SUN3: variants seen among roughly 807,000 people sequenced by gnomAD.
SUN3 encodes the protein Sad1 and UNC84 domain containing 3.
Under a neutral mutation model 48.2 loss-of-function variants are expected in SUN3, and 36 were observed. That is an observed-to-expected ratio of 0.75 (90% CI 0.57 to 0.99). SUN3 has a LOEUF of 0.99. Ranked by LOEUF, SUN3 falls within the 50% of genes least tolerant of loss-of-function variation. The pLI is 0.00. For missense variants in SUN3, 419 were observed against 433.1 expected (o/e 0.97, Z 0.29); for synonymous variants, 148 against 147.9 (o/e 1.00, Z 0.00).
intron 2 of SUN3, among the ~76,000 whole-genome samples, chr7:48,024,607 G>A (rs1319661785): frequency 6.6e-6 from 1 of 152,108 alleles, no homozygotes; most frequent in Non-Finnish European, 1.5e-5. Context: ...AAAGAAAAGA[G>A]GTTTATTTGG....
At chr7:48,008,971 A>G in intron 4 of SUN3, 64 bp downstream of exon 4, 1 of 1,505,350 alleles carries the variant, frequency 6.6e-7, no homozygotes, top group Admixed American at 2.0e-5. Context: ...ACTTTTCTGT[A>G]CGAAAACATT....
chr7:48,033,586 T>G (rs1790279413), upstream of SUN3, among the ~76,000 whole-genome samples: 1 of 152,020 alleles, frequency 6.6e-6, no homozygotes, highest in African/African-American at 2.4e-5. Flanking sequence ...AAAAATAAAA[T>G]AAAAAGTTTC....
intron 6 of SUN3, among the ~76,000 whole-genome samples, chr7:48,004,939 C>T (rs78683072): frequency 0.012 from 1,892 of 152,296 alleles, 25 homozygotes; most frequent in African/African-American, 0.042. Context: ...TTGGAAGAGA[C>T]TTAACAGGCT....
chr7:48,011,221 A>G (rs781077846), intron 3 of SUN3, among the ~76,000 whole-genome samples: 16 of 152,176 alleles, frequency 1.1e-4, no homozygotes, highest in African/African-American at 3.6e-4. Flanking sequence ...GTGACCATCA[A>G]TGTGCTATCT....
chr7:48,000,723 T>A (rs563364746), intron 6 of SUN3, among the ~76,000 whole-genome samples: 46 of 133,440 alleles, frequency 3.4e-4, no homozygotes, highest in African/African-American at 1.2e-3. Context: ...AAGAAATCTG[T>A]AATAATGTGT....
intron 2 of SUN3, among the ~76,000 whole-genome samples, chr7:48,024,264 T>C (rs1490192114): frequency 6.6e-6 from 1 of 152,152 alleles, no homozygotes; most frequent in Non-Finnish European, 1.5e-5. Flanking sequence ...TCAAGTGATA[T>C]ATCTGAGAAG....
intron 6 of SUN3, among the ~76,000 whole-genome samples, chr7:48,003,462 A>G (rs1211958712): frequency 6.6e-6 from 1 of 152,220 alleles, no homozygotes; most frequent in Non-Finnish European, 1.5e-5. Flanking sequence ...TGGTAGTTTA[A>G]TAAGAATAGC....
At chr7:47,998,169 C>G (rs1251808541) in intron 6 of SUN3, among the ~76,000 whole-genome samples, 1 of 152,180 alleles carries the variant, frequency 6.6e-6, no homozygotes, top group African/African-American at 2.4e-5. Flanking sequence ...AGTGGCTGTG[C>G]CATGTTACAT....
At chr7:48,027,779 C>G (rs1210909257) in intron 1 of SUN3, among the ~76,000 whole-genome samples, 4 of 152,182 alleles carry the variant, frequency 2.6e-5, no homozygotes, top group Non-Finnish European at 4.4e-5. Context: ...TTTCTTAACT[C>G]TCTTCCCCTC....
chr7:48,024,662 A>G (rs1017556930), intron 2 of SUN3, among the ~76,000 whole-genome samples: 3 of 152,154 alleles, frequency 2.0e-5, no homozygotes, highest in African/African-American at 7.2e-5. Flanking sequence ...ACCAGCATCT[A>G]CAACTGGTGA....
intron 2 of SUN3, among the ~76,000 whole-genome samples, chr7:48,024,190 G>A (rs528862078): frequency 1.3e-4 from 20 of 152,198 alleles, no homozygotes; most frequent in South Asian, 6.2e-4. Flanking sequence ...ACAAACCTTC[G>A]TGTATCAAAG....
At chr7:47,994,269 CCTT>C (rs1472007972) in intron 8 of SUN3, 43 bp downstream of exon 8, 2 of 1,602,710 alleles carry the variant, frequency 1.2e-6, no homozygotes, top group Admixed American at 1.7e-5. Context: ...TAGCCAACCA[CCTT>C]CTATCAGGCC....
the SUN3 span, chr7:48,035,587 G>T: frequency 8.6e-6 from 6 of 695,682 alleles, no homozygotes; most frequent in Admixed American, 1.2e-4. This position sits in a 1 kb window ranked among gnomAD's most constrained non-coding sequence, Gnocchi z 4.0. Flanking sequence ...AAACTCCAAC[G>T]CCGGGCGCCG....
rs61746437 is a variant in SUN3 at position 48,006,000 on chromosome 7, G to C, written c.546C>G (p.Val182=). 353 of 1,612,600 alleles carry C rather than the reference G, an allele frequency of 2.2e-4. 1 individual carries two copies. The highest frequency in any genetic ancestry group is 1.4e-4 in the Non-Finnish European group (171 of 1,179,492). The change falls in exon 6 of 10, where the codon GTC becomes GTG. Residue 182 remains valine, a synonymous_variant. Transcript: ENST00000297325. ...YVLKKLREDQ[V]EMADYALKSA... is the part of the protein sequence containing the mutation. ...ACTTCAGGGCATAATCAGCCATCTC[G>C]ACTTGGTCTTCTCTCAACTTTTTAA...
rs71006541 is a variant in SUN3, at chr7:48,002,151, CTTTTTT to C, written c.577+3812_577+3817del. On this transcript the variant is annotated intron_variant, in intron 6 of 9. Coordinates refer to ENST00000297325, the MANE Select transcript of SUN3 (RefSeq NM_001030019.2). ...CATTGTGGTTTTGATTTGCATTTCT[CTTTTTT>C]TTTTTTTTTTTTTTTTTTTTGAGAC... is the stretch of plus-strand genomic sequence containing the variant. Among the ~76,000 whole-genome samples the C allele has an allele frequency of 9.4e-4, 60 of 64,158 alleles. 1 individual carries two copies. The highest frequency in any genetic ancestry group is 5.6e-3 in the East Asian group (10 of 1,792). 42.1% of individuals were successfully genotyped at this position (64,158 alleles called of 152,430 possible).
chr7:48,022,100 A>C (rs536027090), intron 2 of SUN3, among the ~76,000 whole-genome samples: 1 of 152,290 alleles, frequency 6.6e-6, no homozygotes, highest in African/African-American at 2.4e-5. Flanking sequence ...AAAGAATGAG[A>C]TAATGTCATT....
chr7:47,999,294 T>A (rs1451478555), intron 6 of SUN3, among the ~76,000 whole-genome samples: 1 of 152,182 alleles, frequency 6.6e-6, no homozygotes, highest in Non-Finnish European at 1.5e-5. Flanking sequence ...AATTTTCTAT[T>A]ATTAGTATAT....
At chr7:48,005,926 C>CTTTTTT in intron 6 of SUN3, 43 bp downstream of exon 6, 2 of 1,111,270 alleles carry the variant, frequency 1.8e-6, no homozygotes, top group Non-Finnish European at 1.3e-6. Flanking sequence ...CTGAAGCATT[C>CTTTTTT]TTTTTTTTTT....
chr7:48,027,186 C>G (rs1356988758), intron 1 of SUN3, among the ~76,000 whole-genome samples: 12 of 152,156 alleles, frequency 7.9e-5, no homozygotes, highest in Admixed American at 7.9e-4. Context: ...TTCATTCATT[C>G]TTATAACTGT....
Sources: allele counts gnomAD v4.1 joint callset (sites outside exome capture counted in the v4.1 genomes callset), GRCh38; gene constraint gnomAD v4.1.1; non-coding constraint Gnocchi (gnomAD v3.1); transcripts MANE v1.5; gene names NCBI Gene and HGNC (gene_info 2026-07-23, HGNC 2026-07-21).